Variants in MYO3A observed in about 807,000 individuals in gnomAD.
MYO3A encodes myosin-IIIa.
Under a neutral mutation model 192.7 loss-of-function variants are expected in MYO3A, and 180 were observed. The observed-to-expected ratio is 0.93, with a 90% CI of 0.83 to 1.06. The LOEUF is 1.06. Ranked by LOEUF, MYO3A falls within the 50% of genes least tolerant of loss-of-function variation. The probability of loss-of-function intolerance (pLI) is 0.00; values close to 1 mark genes in which losing one functional copy is unlikely to be tolerated. For synonymous variants in MYO3A, 628 were observed against 645.3 expected (o/e 0.97, Z 0.41); for missense variants, 1,896 against 1,905.0 (o/e 1.00, Z 0.09).
chr10:26,201,591 CAGG>C (rs1305050358), intron 33 of MYO3A, among the ~76,000 whole-genome samples: 1 of 150,726 alleles, frequency 6.6e-6, no homozygotes, highest in Non-Finnish European at 1.5e-5. Context: ...GAGGCTGAGG[CAGG>C]AGAATGGCGT....
intron 17 of MYO3A, among the ~76,000 whole-genome samples, chr10:26,115,954 TAA>T (rs1838477983): frequency 6.6e-6 from 1 of 152,222 alleles, no homozygotes; most frequent in Non-Finnish European, 1.5e-5. Context: ...TATTTAAATT[TAA>T]GTCACAAGAC....
chr10:26,070,127 T>C lies in MYO3A; in HGVS notation c.1187T>C (p.Ile396Thr). The C allele has an allele frequency of 6.2e-7, 1 of 1,610,040 alleles. No homozygotes were observed. Among genetic ancestry groups the C allele is most frequent in the South Asian group, 1.1e-5 (1 of 90,946 alleles). ...AACCTTTAGCATTCCAAACTATATA[T>C]TGGATCAAAGAGAACTGCCAGTCCT... ...LYSTKHSKLY[I>T]GSKRTASPPH... The change falls in exon 13 of 35, where the codon ATT (isoleucine) becomes ACT (threonine). Residue 396 changes from isoleucine to threonine, a missense_variant. Physicochemically the swap from Ile to Thr is moderately conservative, Grantham distance 89 (BLOSUM62 -1). Transcript: ENST00000642920.
At chr10:26,101,513 A>C (rs1175532937) in intron 17 of MYO3A, among the ~76,000 whole-genome samples, 1 of 152,156 alleles carries the variant, frequency 6.6e-6, no homozygotes, top group African/African-American at 2.4e-5. Context: ...ACAATTTGGC[A>C]TGTTTTTGCA....
intron 14 of MYO3A, among the ~76,000 whole-genome samples, chr10:26,078,911 A>T (rs1239907263): frequency 6.6e-6 from 1 of 152,070 alleles, no homozygotes; most frequent in Non-Finnish European, 1.5e-5. Context: ...AATTTATTGA[A>T]GCTCGTTTTA....
chr10:25,972,269 T>C (rs1404935097), intron 4 of MYO3A, among the ~76,000 whole-genome samples: 1 of 152,166 alleles, frequency 6.6e-6, no homozygotes, highest in Non-Finnish European at 1.5e-5. Context: ...ATTTTCACTT[T>C]GTTCTTTTTT....
rs572579588 is a variant in MYO3A at position 26,078,378 on chromosome 10, G to C, written c.1359+7977G>C. 9.9e-5 allele frequency among the ~76,000 whole-genome samples: 15 copies of C among 151,894 alleles called. 1 individual carries two copies. In the South Asian group the frequency reaches 3.1e-3, roughly 32 times the overall value. ...GTTTCATTTCTTAATGAGGTTATTT[G>C]AATTTTTTTCTTTTCTTTTCTTGGT... On this transcript the variant is annotated intron_variant, in intron 14 of 34. Coordinates refer to ENST00000642920, the MANE Select transcript of MYO3A (RefSeq NM_017433.5).
At chr10:26,065,496 A>G (rs572230630) in intron 10 of MYO3A, among the ~76,000 whole-genome samples, 1 of 150,274 alleles carries the variant, frequency 6.7e-6, no homozygotes, top group African/African-American at 2.5e-5. Context: ...GAGGCAGGAG[A>G]ATCACATGAA....
At chr10:25,993,418 T>C (rs1222806405) in intron 4 of MYO3A, among the ~76,000 whole-genome samples, 1 of 150,540 alleles carries the variant, frequency 6.6e-6, no homozygotes, top group Non-Finnish European at 1.5e-5. Flanking sequence ...TTAATAGTCT[T>C]GCTAGTGGTC....
chr10:26,079,530 A>G (rs1835792293), intron 14 of MYO3A, among the ~76,000 whole-genome samples: 1 of 152,146 alleles, frequency 6.6e-6, no homozygotes, highest in Admixed American at 6.5e-5. Flanking sequence ...ATACGGTTGC[A>G]TTCATCATGC....
At chr10:26,060,303 T>TAAA (rs1564506964) in intron 10 of MYO3A, among the ~76,000 whole-genome samples, 19 of 43,228 alleles carry the variant, frequency 4.4e-4, no homozygotes, top group African/African-American at 1.0e-3. Context: ...ATAAATAAAT[T>TAAA]TAAAAAATAC....
intron 10 of MYO3A, among the ~76,000 whole-genome samples, chr10:26,065,301 A>G (rs1296621179): frequency 6.6e-6 from 1 of 152,180 alleles, no homozygotes; most frequent in African/African-American, 2.4e-5. Flanking sequence ...AACTAAGTAT[A>G]TGCCGAGCAT....
intron 10 of MYO3A, among the ~76,000 whole-genome samples, chr10:26,038,791 T>C (rs1020022548): frequency 7.2e-5 from 11 of 152,198 alleles, no homozygotes; most frequent in African/African-American, 2.7e-4. Context: ...TTTTTCCCCA[T>C]TCCGTATGAT....
In MYO3A at chr10:26,092,472, A is replaced by C. The variant is rs573984942; in HGVS notation, c.1563-3909A>C. ...CACAGCAAGACTCTGTCTCAAAAAA[A>C]AAAGAATGCAAACCTTCATTATTAG... On this transcript the variant is annotated intron_variant, in intron 15 of 34. Transcript: ENST00000642920. Among the ~76,000 whole-genome samples, 394 of 152,138 alleles carry C rather than the reference A, an allele frequency of 2.6e-3. 1 individual carries two copies. Among genetic ancestry groups the C allele is most frequent in the Middle Eastern group, 0.01 (3 of 294 alleles).
Position 26,168,884 on chromosome 10 carries a change from T to G in MYO3A, c.3274+10T>G. ...ATAATAATACAGTCAGGTAATCTCTTTGACATATTTAGATATGGTCATAAA... is the reference window on the plus strand; with the variant it reads ...ATAATAATACAGTCAGGTAATCTCTGTGACATATTTAGATATGGTCATAAA... On this transcript the variant is annotated intron_variant, in intron 28 of 34. Coordinates refer to ENST00000642920, the MANE Select transcript of MYO3A (RefSeq NM_017433.5). 6.2e-7 allele frequency: 1 copy of G among 1,603,566 alleles called. No individual in the cohort carries two copies. Among genetic ancestry groups the G allele is most frequent in the Non-Finnish European group, 8.5e-7 (1 of 1,173,696 alleles).
At chr10:25,995,124 G>C (rs12263854) in intron 4 of MYO3A, among the ~76,000 whole-genome samples, 14,573 of 152,148 alleles carry the variant, frequency 0.096, 1,246 homozygotes, top group African/African-American at 0.22. Context: ...TGGTTCCATT[G>C]TCCCTGCCAC....
intron 8 of MYO3A, chr10:26,023,216 C>A (rs1248215128): frequency 6.6e-6 from 1 of 152,158 alleles, no homozygotes; most frequent in Non-Finnish European, 1.5e-5. Context: ...ACAAACTGTA[C>A]ATTAATTTCA....
intron 19 of MYO3A, among the ~76,000 whole-genome samples, chr10:26,126,881 A>G (rs994775746): frequency 2.0e-5 from 3 of 152,290 alleles, no homozygotes; most frequent in East Asian, 3.9e-4. Flanking sequence ...AGATTTTAAA[A>G]TTTTTTACAG....
intron 10 of MYO3A, among the ~76,000 whole-genome samples, chr10:26,036,424 C>T (rs1843043236): frequency 2.0e-5 from 3 of 152,066 alleles, no homozygotes; most frequent in South Asian, 2.1e-4. Flanking sequence ...TGGAAAGAGT[C>T]TCTCATGCCT....
chr10:26,091,914 G>A (rs148229372), intron 15 of MYO3A, among the ~76,000 whole-genome samples: 4 of 152,194 alleles, frequency 2.6e-5, no homozygotes, highest in African/African-American at 7.2e-5. Flanking sequence ...AGGCACAGGA[G>A]ACATAAAGCC....
Sources: gnomAD v4.1 joint callset for allele counts (sites outside exome capture counted in the v4.1 genomes callset) on GRCh38, gnomAD v4.1.1 for gene constraint, MANE v1.5 for transcripts, NCBI Gene and HGNC (gene_info 2026-07-23, HGNC 2026-07-21) for gene names.